MEI4: variants seen among roughly 807,000 people sequenced by gnomAD.
MEI4 encodes meiosis-specific protein MEI4.
A neutral mutation model predicts 31.4 loss-of-function variants in MEI4; 27 were observed. The observed-to-expected ratio is 0.86, with a 90% CI of 0.63 to 1.19. MEI4 has a LOEUF of 1.19. Ranked by LOEUF, MEI4 falls within the 50% of genes most tolerant of loss-of-function variation. The pLI is 0.00. For synonymous variants in MEI4, 122 were observed against 145.4 expected (o/e 0.84, Z 1.16); for missense variants, 329 against 398.9 (o/e 0.82, Z 1.49).
intron 2 of MEI4, among the ~76,000 whole-genome samples, chr6:77,704,805 A>G (rs531765595): frequency 3.9e-5 from 6 of 152,172 alleles, no homozygotes; most frequent in Non-Finnish European, 8.8e-5. Context: ...GAATGATTCA[A>G]ACACCCAAGT....
At chr6:77,766,661 C>G (rs1768183833) in intron 3 of MEI4, among the ~76,000 whole-genome samples, 1 of 152,116 alleles carries the variant, frequency 6.6e-6, no homozygotes. Flanking sequence ...ATCCGCCCAC[C>G]TCGGCCTCCC....
chr6:77,859,590 T>C (rs1770821820), intron 4 of MEI4, among the ~76,000 whole-genome samples: 1 of 152,194 alleles, frequency 6.6e-6, no homozygotes, highest in African/African-American at 2.4e-5. Flanking sequence ...CTCATTGTGG[T>C]TTTCATTTGC....
chr6:77,681,193 T>C (rs556988353), intron 1 of MEI4, among the ~76,000 whole-genome samples: 2 of 152,258 alleles, frequency 1.3e-5, no homozygotes, highest in African/African-American at 4.8e-5. Context: ...TGGTTACTTC[T>C]TTGCTTTCTG....
At chr6:77,790,744 T>A (rs146177456) in intron 3 of MEI4, among the ~76,000 whole-genome samples, 1 of 152,108 alleles carries the variant, frequency 6.6e-6, no homozygotes, top group Non-Finnish European at 1.5e-5. Context: ...TTCTCAAATA[T>A]ATTTAATTTT....
intron 4 of MEI4, among the ~76,000 whole-genome samples, chr6:77,856,821 T>C (rs1770757936): frequency 6.6e-6 from 1 of 152,188 alleles, no homozygotes; most frequent in Admixed American, 6.5e-5. Context: ...ACTCTCATCT[T>C]ATCCACCTAC....
intron 1 of MEI4, among the ~76,000 whole-genome samples, chr6:77,655,897 A>G (rs552801508): frequency 1.3e-5 from 2 of 152,296 alleles, no homozygotes; most frequent in East Asian, 3.9e-4. Context: ...TTAAAATGCA[A>G]TATTTTCAGT....
At chr6:77,754,016 C>A (rs1767849397) in intron 2 of MEI4, among the ~76,000 whole-genome samples, 1 of 152,092 alleles carries the variant, frequency 6.6e-6, no homozygotes, top group African/African-American at 2.4e-5. Flanking sequence ...AAACCAAACA[C>A]CGCATGTCTC....
At chr6:77,704,392 G>C (rs531882846) in intron 2 of MEI4, among the ~76,000 whole-genome samples, 31 of 152,206 alleles carry the variant, frequency 2.0e-4, no homozygotes, top group African/African-American at 7.0e-4. Context: ...CTCTTGCCTT[G>C]ATTATAGATA....
At chr6:77,760,289 A>G (rs1370673745) in intron 2 of MEI4, among the ~76,000 whole-genome samples, 1 of 152,190 alleles carries the variant, frequency 6.6e-6, no homozygotes, top group East Asian at 1.9e-4. Context: ...AGATATCTAT[A>G]TATATTTATA....
chr6:77,897,965 G>A (rs1247343054), intron 4 of MEI4, among the ~76,000 whole-genome samples: 1 of 151,888 alleles, frequency 6.6e-6, no homozygotes, highest in East Asian at 1.9e-4. Flanking sequence ...ACAACCTTTG[G>A]AAGAAACATA....
chr6:77,789,153 G>A (rs901270652), intron 3 of MEI4, among the ~76,000 whole-genome samples: 1 of 152,160 alleles, frequency 6.6e-6, no homozygotes, highest in Non-Finnish European at 1.5e-5. Context: ...GAGCAATGGG[G>A]AAAGGATTCC....
At chr6:77,665,167 G>T (rs1309038654) in intron 1 of MEI4, among the ~76,000 whole-genome samples, 1 of 151,788 alleles carries the variant, frequency 6.6e-6, no homozygotes, top group Non-Finnish European at 1.5e-5. Context: ...CAGAAATAAG[G>T]AGTCGAGGCA....
intron 3 of MEI4, among the ~76,000 whole-genome samples, chr6:77,781,139 C>A (rs928585882): frequency 6.6e-6 from 1 of 152,014 alleles, no homozygotes; most frequent in Admixed American, 6.6e-5. Context: ...TTCAAGTAAT[C>A]CTCCTTCCTT....
In MEI4 at chr6:77,820,242, T is replaced by G. The variant is rs1047662513; in HGVS notation, c.769-8689T>G. On this transcript the variant is annotated intron_variant, in intron 3 of 4. Transcript: ENST00000684080. The surrounding 1 kb of genome is among the most constrained non-coding windows in gnomAD (Gnocchi z 4.5). ...ACAAAGAGACTCCTGGGACTGGTTT[T>G]TTTTTGTTTTTGTTTTTGTTTTTGG... Among the ~76,000 whole-genome samples the G allele has an allele frequency of 6.6e-5, 10 of 152,202 alleles. No homozygotes were observed. The East Asian group carries it at 7.7e-4, about 12-fold the overall frequency.
intron 3 of MEI4, among the ~76,000 whole-genome samples, chr6:77,788,690 T>C (rs977074947): frequency 6.6e-6 from 1 of 152,006 alleles, no homozygotes; most frequent in Non-Finnish European, 1.5e-5. Context: ...GGAATCCAAC[T>C]TACAAGGTAT....
At chr6:77,739,921 T>G (rs558728929) in intron 2 of MEI4, among the ~76,000 whole-genome samples, 6 of 152,180 alleles carry the variant, frequency 3.9e-5, no homozygotes, top group Non-Finnish European at 8.8e-5. Flanking sequence ...TTTCTAACTT[T>G]CTGATGTGGA....
intron 1 of MEI4, among the ~76,000 whole-genome samples, chr6:77,681,603 A>G (rs908199948): frequency 6.6e-6 from 1 of 152,194 alleles, no homozygotes; most frequent in Non-Finnish European, 1.5e-5. Flanking sequence ...GCATGTCTCC[A>G]TGTGAAATTC....
At chr6:77,854,645 C>A (rs1167224452) in intron 4 of MEI4, among the ~76,000 whole-genome samples, 1 of 152,010 alleles carries the variant, frequency 6.6e-6, no homozygotes, top group African/African-American at 2.4e-5. Flanking sequence ...TATGTAGACA[C>A]CATTTGTGTC....
intron 1 of MEI4, among the ~76,000 whole-genome samples, chr6:77,677,415 T>C (rs1272211747): frequency 2.6e-5 from 4 of 152,204 alleles, no homozygotes; most frequent in African/African-American, 9.6e-5. Context: ...GTTTATATTA[T>C]CACCGTCTAG....
Sources: allele counts gnomAD v4.1 joint callset (sites outside exome capture counted in the v4.1 genomes callset), GRCh38; gene constraint gnomAD v4.1.1; non-coding constraint Gnocchi (gnomAD v3.1); transcripts MANE v1.5; gene names NCBI Gene and HGNC (gene_info 2026-07-23, HGNC 2026-07-21).